KCNIP4: variants seen among roughly 807,000 people sequenced by gnomAD.
The protein encoded by KCNIP4 is Kv channel-interacting protein 4.
KCNIP4 carries 12 observed loss-of-function variants against 34.0 expected under a neutral mutation model. That is an observed-to-expected ratio of 0.35 (90% CI 0.23 to 0.57). The LOEUF (loss-of-function observed/expected upper bound fraction) is 0.57, where lower values mean the gene tolerates loss of function less well. KCNIP4 is among the 20% of genes least tolerant of loss of function. The pLI is 0.83. For missense variants in KCNIP4, 238 were observed against 311.7 expected, an observed-to-expected ratio of 0.76 and a Z score of 1.78; for synonymous variants, 124 against 102.2, an observed-to-expected ratio of 1.21 and a Z score of -1.29.
intron 1 of KCNIP4, among the ~76,000 whole-genome samples, chr4:21,223,402 A>C (rs1342851426): frequency 6.6e-6 from 1 of 152,208 alleles, no homozygotes; most frequent in Non-Finnish European, 1.5e-5. Context: ...GAACTGTAAC[A>C]GAATAAATCT....
intron 1 of KCNIP4, among the ~76,000 whole-genome samples, chr4:21,022,407 T>C (rs185431876): frequency 1.5e-4 from 23 of 152,234 alleles, no homozygotes; most frequent in African/African-American, 4.8e-4. Flanking sequence ...AACATTTCAT[T>C]TGATGCTATT....
intron 1 of KCNIP4, among the ~76,000 whole-genome samples, chr4:21,659,904 T>C (rs1748304354): frequency 1.3e-5 from 2 of 152,206 alleles, no homozygotes. Context: ...GGACTCTAGC[T>C]AAAAGCACCA....
intron 8 of KCNIP4, among the ~76,000 whole-genome samples, chr4:20,731,112 A>C (rs1252638563): frequency 6.6e-6 from 1 of 152,124 alleles, no homozygotes; most frequent in Non-Finnish European, 1.5e-5. Flanking sequence ...GGCAGAGTCT[A>C]TTTCTGTTGC....
chr4:21,299,637 G>A (rs1394537501), intron 1 of KCNIP4, among the ~76,000 whole-genome samples: 1 of 152,166 alleles, frequency 6.6e-6, no homozygotes, highest in Admixed American at 6.5e-5. Context: ...GGGAGAATTA[G>A]AACAAGACTC....
chr4:20,769,576 G>A (rs1755698354), intron 3 of KCNIP4, among the ~76,000 whole-genome samples: 1 of 152,152 alleles, frequency 6.6e-6, no homozygotes, highest in African/African-American at 2.4e-5. Context: ...TTCTATTGCT[G>A]CATAAAAAAT....
chr4:21,123,409 C>T (rs989624154), intron 1 of KCNIP4, among the ~76,000 whole-genome samples: 1 of 152,044 alleles, frequency 6.6e-6, no homozygotes, highest in African/African-American at 2.4e-5. Flanking sequence ...TAAAAGTCAA[C>T]CATTTGTTTT....
At chr4:20,807,356 A>C (rs931832126) in intron 3 of KCNIP4, among the ~76,000 whole-genome samples, 1 of 152,188 alleles carries the variant, frequency 6.6e-6, no homozygotes, top group Non-Finnish European at 1.5e-5. Flanking sequence ...CTGTAATCAC[A>C]TGGCACTTTT....
intron 1 of KCNIP4, among the ~76,000 whole-genome samples, chr4:21,225,611 A>C (rs930999518): frequency 1.1e-4 from 17 of 152,160 alleles, no homozygotes; most frequent in African/African-American, 3.9e-4. Flanking sequence ...CCTCATCTGT[A>C]AATTACAATG....
chr4:20,927,908 C>G (rs12647136), intron 1 of KCNIP4, among the ~76,000 whole-genome samples: 1 of 152,044 alleles, frequency 6.6e-6, no homozygotes, highest in Admixed American at 6.5e-5. Context: ...CTAAGCACTG[C>G]TATATTAAAA....
At chr4:21,716,857 AT>A (rs1466899055) in intron 1 of KCNIP4, among the ~76,000 whole-genome samples, 1 of 152,138 alleles carries the variant, frequency 6.6e-6, no homozygotes, top group Non-Finnish European at 1.5e-5. Context: ...GTGACTGACT[AT>A]TAAGAACTCA....
At chr4:21,286,250 A>G (rs1376127334) in intron 1 of KCNIP4, among the ~76,000 whole-genome samples, 1 of 152,242 alleles carries the variant, frequency 6.6e-6, no homozygotes, top group East Asian at 1.9e-4. Context: ...AACATTGTGT[A>G]TGCATTTCAC....
At chr4:20,832,783 A>C (rs1021551167) in intron 3 of KCNIP4, among the ~76,000 whole-genome samples, 5 of 150,266 alleles carry the variant, frequency 3.3e-5, no homozygotes, top group Non-Finnish European at 7.4e-5. Flanking sequence ...GTTTTATCTC[A>C]CTGTAAACAT....
chr4:21,097,812 G>A (rs1020261322), intron 1 of KCNIP4, among the ~76,000 whole-genome samples: 6 of 152,064 alleles, frequency 3.9e-5, no homozygotes, highest in Non-Finnish European at 8.8e-5. Context: ...TAAGGGCAAG[G>A]AAGAACCACC....
rs148916666 is a variant in KCNIP4, at chr4:20,763,627, T to TA, written c.289-4738dup. ...GAAAGAAGACAAGAATGCAGATTTG[T>TA]AAAGAGTTTGGAATATCTATCCCTG... On this transcript the variant is annotated intron_variant, in intron 3 of 8. Coordinates refer to ENST00000382152, the MANE Select transcript of KCNIP4 (RefSeq NM_025221.6). Among the ~76,000 whole-genome samples the TA allele has an allele frequency of 8.9e-3, 1,359 of 152,340 alleles. 24 individuals are homozygous for TA. The highest frequency in any genetic ancestry group is 0.031 in the African/African-American group (1,297 of 41,572).
At chr4:20,860,719 G>A (rs983990590) in intron 2 of KCNIP4, among the ~76,000 whole-genome samples, 2 of 152,124 alleles carry the variant, frequency 1.3e-5, no homozygotes, top group Non-Finnish European at 2.9e-5. Context: ...GATATCTTAT[G>A]TATTATTAAA....
rs529490916 is a variant in KCNIP4 at position 20,949,521 on chromosome 4, G to T, written c.62-66812C>A. 3.3e-3 allele frequency among the ~76,000 whole-genome samples: 499 copies of T among 151,966 alleles called. 2 individuals carry two copies. The highest frequency in any genetic ancestry group is 0.012 in the African/African-American group (478 of 41,424). On this transcript the variant is annotated intron_variant, in intron 1 of 8. Coordinates refer to ENST00000382152, the MANE Select transcript of KCNIP4 (RefSeq NM_025221.6). ...TCCCATTACTGGGTATATACCCAAA[G>T]GACTATAAATCATGCTGCTATAAAG...
chr4:21,694,147 A>G (rs1711995744), intron 1 of KCNIP4, among the ~76,000 whole-genome samples: 1 of 152,176 alleles, frequency 6.6e-6, no homozygotes, highest in Non-Finnish European at 1.5e-5. Context: ...ATCCTTCTCA[A>G]TGGGGCAGCA....
chr4:21,194,047 AT>A (rs1755875496), intron 1 of KCNIP4, among the ~76,000 whole-genome samples: 1 of 152,172 alleles, frequency 6.6e-6, no homozygotes, highest in South Asian at 2.1e-4. Context: ...GCACAGAGAA[AT>A]TTCAAAGATT....
At chr4:20,902,291 G>A (rs1727235488) in intron 1 of KCNIP4, among the ~76,000 whole-genome samples, 1 of 152,046 alleles carries the variant, frequency 6.6e-6, no homozygotes. Flanking sequence ...GGAGACAAGG[G>A]GACAGAGGAA....
Sources: allele counts gnomAD v4.1 joint callset (sites outside exome capture counted in the v4.1 genomes callset), GRCh38; gene constraint gnomAD v4.1.1; transcripts MANE v1.5; gene names NCBI Gene and HGNC (gene_info 2026-07-23, HGNC 2026-07-21).